The following NCKAP5 variants were observed in gnomAD, a reference collection of about 807,000 sequenced individuals.
The protein encoded by NCKAP5 is nck-associated protein 5.
NCKAP5 carries 92 observed loss-of-function variants against 167.0 expected under a neutral mutation model. The ratio of observed to expected loss-of-function variants is 0.55; its 90% confidence interval spans 0.47 to 0.66. NCKAP5 has a LOEUF of 0.66. Ranked by LOEUF, NCKAP5 falls within the 30% of genes least tolerant of loss-of-function variation. The pLI, the probability that NCKAP5 is intolerant of heterozygous loss-of-function variation, is 0.00. For missense variants in NCKAP5, 2,378 were observed against 2,315.0 expected, an observed-to-expected ratio of 1.03 and a Z score of -0.56; for synonymous variants, 891 against 877.4, an observed-to-expected ratio of 1.02 and a Z score of -0.27.
At chr2:133,486,901 G>C (rs1480842166) in intron 3 of NCKAP5, among the ~76,000 whole-genome samples, 1 of 152,098 alleles carries the variant, frequency 6.6e-6, no homozygotes, top group East Asian at 1.9e-4. Flanking sequence ...TTTCATAAGA[G>C]CTGTCATTGG....
At chr2:133,042,410 A>C (rs1466051583) in intron 6 of NCKAP5, among the ~76,000 whole-genome samples, 7 of 152,180 alleles carry the variant, frequency 4.6e-5, no homozygotes. Context: ...TTTCTAGCCT[A>C]CATGTTAATT....
intron 3 of NCKAP5, among the ~76,000 whole-genome samples, chr2:133,363,655 C>A (rs1312275452): frequency 6.6e-6 from 1 of 152,062 alleles, no homozygotes; most frequent in Non-Finnish European, 1.5e-5. Context: ...GTCTTATGAT[C>A]ACTCTGGCTA....
At chr2:133,229,015 T>G (rs2087020289) in intron 4 of NCKAP5, among the ~76,000 whole-genome samples, 1 of 152,116 alleles carries the variant, frequency 6.6e-6, no homozygotes, top group Non-Finnish European at 1.5e-5. Flanking sequence ...GTGAAATGAA[T>G]GGAACCAATC....
At position 132,773,835 on chromosome 2, in the gene NCKAP5, T is replaced by A. The variant is rs769749469; in HGVS notation, c.5109A>T (p.Val1703=). 5.6e-5 allele frequency: 90 copies of A among 1,611,376 alleles called. No individual in the cohort carries two copies. The highest frequency in any genetic ancestry group is 7.5e-5 in the Non-Finnish European group (89 of 1,179,132). ...TTTTACCTATGATGTGGCTCTGAAA[T>A]ACAGAATCTGCAACTGCATCGTCTT... is the stretch of plus-strand genomic sequence containing the variant. The part of the protein sequence containing the change: ...EDEDDAVADS[V]FQSHIIESNC... The change falls in exon 16 of 20, where the codon GTA becomes GTT. Residue 1703 remains valine (V), a synonymous_variant. Transcript: ENST00000409261.
chr2:132,736,275 A>C (rs1691497036), intron 16 of NCKAP5, among the ~76,000 whole-genome samples: 1 of 152,232 alleles, frequency 6.6e-6, no homozygotes, highest in South Asian at 2.1e-4. Context: ...ATCTTTATGT[A>C]GTTTCTTTAA....
At chr2:133,201,598 G>A (rs906317729) in intron 5 of NCKAP5, among the ~76,000 whole-genome samples, 3 of 152,108 alleles carry the variant, frequency 2.0e-5, no homozygotes, top group African/African-American at 7.2e-5. Context: ...TTATTGTGGT[G>A]ATAAAGATAT....
At chr2:133,163,212 G>A (rs2083868654) in intron 5 of NCKAP5, among the ~76,000 whole-genome samples, 1 of 152,210 alleles carries the variant, frequency 6.6e-6, no homozygotes, top group African/African-American at 2.4e-5. Context: ...CATTTCTGTT[G>A]TTGTGTCTCT....
intron 8 of NCKAP5, among the ~76,000 whole-genome samples, chr2:132,908,259 G>A (rs1350895176): frequency 1.3e-5 from 2 of 151,878 alleles, no homozygotes; most frequent in Non-Finnish European, 2.9e-5. Context: ...TTAAGTAGCT[G>A]TGGCCTGATT....
chr2:133,271,306 C>A (rs1437316535), intron 4 of NCKAP5, among the ~76,000 whole-genome samples: 1 of 151,992 alleles, frequency 6.6e-6, no homozygotes, highest in African/African-American at 2.4e-5. Context: ...CCTGGACACC[C>A]TCCAACAGTA....
intron 19 of NCKAP5, among the ~76,000 whole-genome samples, chr2:132,677,744 A>G (rs140000857): frequency 1.3e-5 from 2 of 152,174 alleles, no homozygotes; most frequent in Non-Finnish European, 2.9e-5. Context: ...AGACGTGCCT[A>G]CCCCAAGAGG....
intron 3 of NCKAP5, among the ~76,000 whole-genome samples, chr2:133,464,930 C>T (rs1692450886): frequency 6.6e-6 from 1 of 150,912 alleles, no homozygotes; most frequent in Non-Finnish European, 1.5e-5. Flanking sequence ...AACTTGGGGC[C>T]AATTATAGAC....
chr2:133,370,519 T>A (rs1204186300), intron 3 of NCKAP5, among the ~76,000 whole-genome samples: 1 of 152,146 alleles, frequency 6.6e-6, no homozygotes, highest in African/African-American at 2.4e-5. Context: ...TTAATCTGGG[T>A]GATAAATTGC....
intron 6 of NCKAP5, among the ~76,000 whole-genome samples, chr2:133,052,538 C>A (rs7607235): frequency 1.3e-5 from 2 of 151,772 alleles, no homozygotes; most frequent in Admixed American, 1.3e-4. Context: ...GCCAAAATGG[C>A]GAAAACTCAT....
rs1441715111 is a variant in NCKAP5 at position 133,526,199 on chromosome 2, G to A, written c.-61-8612C>T. Reference sequence around the variant, plus strand: ...AGGAAGGAAGGAAGGAAGGAAGGAAGGAAGGAAGGAAGGAAGGAAGGAAGG... The same window carrying A: ...AGGAAGGAAGGAAGGAAGGAAGGAAAGAAGGAAGGAAGGAAGGAAGGAAGG... On this transcript the variant is annotated intron_variant, in intron 2 of 19. Transcript: ENST00000409261. Among the ~76,000 whole-genome samples, 7 of 134,694 alleles carry A rather than the reference G, an allele frequency of 5.2e-5. No individual in the cohort carries two copies. In the South Asian group the frequency reaches 7.4e-4, roughly 14 times the overall value. 88.4% of individuals were successfully genotyped at this position (134,694 alleles called of 152,430 possible). A position where few individuals can be genotyped will look rare whatever the true frequency, so the allele number is the denominator to read the frequency against.
At chr2:133,005,521 A>C (rs1030776085) in intron 6 of NCKAP5, among the ~76,000 whole-genome samples, 9 of 152,252 alleles carry the variant, frequency 5.9e-5, no homozygotes, top group Non-Finnish European at 1.3e-4. Context: ...GTCCTTAAAA[A>C]GGTCTTCAAA....
rs10167012 is a variant in NCKAP5, at chr2:132,774,906, T to G, written c.5050-1012A>C. On this transcript the variant is annotated intron_variant, in intron 15 of 19. Coordinates refer to ENST00000409261, the MANE Select transcript of NCKAP5 (RefSeq NM_207363.3). ...AATTGTCAAAATGGTGGCACTGGGA[T>G]TTAAACGCAACAAATCTGACTCCGG... 6.6e-3 allele frequency among the ~76,000 whole-genome samples: 1,005 copies of G among 152,336 alleles called. 10 individuals are homozygous for G. Among genetic ancestry groups the G allele is most frequent in the African/African-American group, 0.023 (971 of 41,570 alleles).
chr2:133,024,772 C>A (rs796246548), intron 6 of NCKAP5, among the ~76,000 whole-genome samples: 4 of 152,292 alleles, frequency 2.6e-5, no homozygotes, highest in African/African-American at 9.6e-5. Context: ...TCTTATTTAT[C>A]AACTTTATAT....
chr2:133,466,511 A>G (rs1692601977), intron 3 of NCKAP5, among the ~76,000 whole-genome samples: 1 of 149,668 alleles, frequency 6.7e-6, no homozygotes, highest in Non-Finnish European at 1.5e-5. Flanking sequence ...TTGGTTCCAT[A>G]TGAACTTTAA....
the NCKAP5 span, among the ~76,000 whole-genome samples, chr2:133,668,172 C>A: frequency 1.3e-5 from 2 of 151,822 alleles, no homozygotes; most frequent in Admixed American, 1.3e-4. Flanking sequence ...TTCCTTTATC[C>A]ATTTATCAAA....
Sources: gnomAD v4.1 joint callset for allele counts (sites outside exome capture counted in the v4.1 genomes callset) on GRCh38, gnomAD v4.1.1 for gene constraint, MANE v1.5 for transcripts, NCBI Gene and HGNC (gene_info 2026-07-23, HGNC 2026-07-21) for gene names.